The following AFAP1 variants were observed in gnomAD, a reference collection of about 807,000 sequenced individuals.
The protein encoded by AFAP1 is actin filament associated protein 1, also known as actin filament-associated protein 1.
In AFAP1, 75 loss-of-function variants were observed where a neutral mutation model predicts 93.9. The observed-to-expected ratio is 0.80, with a 90% CI of 0.66 to 0.97. The LOEUF is 0.97. Ranked by LOEUF, AFAP1 falls within the 50% of genes least tolerant of loss-of-function variation. AFAP1 has a pLI of 0.00. For synonymous variants in AFAP1, 517 were observed against 430.7 expected, an observed-to-expected ratio of 1.20 and a Z score of -2.48; for missense variants, 1,201 against 1,050.8, an observed-to-expected ratio of 1.14 and a Z score of -1.98.
At chr4:7,831,264 G>T (rs980078148) in intron 6 of AFAP1, among the ~76,000 whole-genome samples, 2 of 151,834 alleles carry the variant, frequency 1.3e-5, no homozygotes, top group African/African-American at 4.8e-5. Flanking sequence ...TTAGATTCCT[G>T]TACCATTATA....
rs988590591 is a variant in AFAP1, at chr4:7,793,819, G to A, written c.1274C>T (p.Ser425Phe). The A allele has an allele frequency of 6.5e-7, 1 of 1,535,284 alleles. No individual in the cohort carries two copies. Among genetic ancestry groups the A allele is most frequent in the Non-Finnish European group, 8.9e-7 (1 of 1,125,290 alleles). Residue 425 changes from serine (S) to phenylalanine (F), a missense_variant, in exon 11 of 18, where the codon TCT becomes TTT. By Grantham distance (155) the Ser-to-Phe change is radical. Coordinates refer to ENST00000420658, the MANE Select transcript of AFAP1 (RefSeq NM_001134647.2). The part of the protein sequence containing the change: ...GQEVAVLEAS[S>F]SEDMGRWIGI... The stretch of plus-strand genomic sequence containing the variant: ...AATCCACCTGCCCATGTCTTCAGAA[G>A]AAGATGCCTGTTGAAGTGGGAAAAA...
At chr4:7,820,815 T>C (rs180772489) in intron 6 of AFAP1, among the ~76,000 whole-genome samples, 1 of 152,258 alleles carries the variant, frequency 6.6e-6, no homozygotes, top group East Asian at 1.9e-4. Flanking sequence ...GTCCACTTTC[T>C]CAGTAAGACT....
At chr4:7,875,995 A>G (rs1717481973) in intron 1 of AFAP1, among the ~76,000 whole-genome samples, 1 of 152,170 alleles carries the variant, frequency 6.6e-6, no homozygotes. Flanking sequence ...AATGTTCTGG[A>G]AATGGATGGT....
intron 16 of AFAP1, among the ~76,000 whole-genome samples, 182 bp from the exon 17 acceptor site, chr4:7,769,190 G>A (rs953441130): frequency 4.6e-5 from 7 of 152,196 alleles, no homozygotes; most frequent in African/African-American, 1.4e-4. Context: ...TGGCATTCAC[G>A]GCCGGGGGGC....
rs139654720 is a variant in AFAP1, at chr4:7,767,166, G to A, written c.2418+1678C>T. On this transcript the variant is annotated intron_variant, in intron 17 of 17. Coordinates refer to ENST00000420658, the MANE Select transcript of AFAP1 (RefSeq NM_001134647.2). ...TCTGCACAAGATTCTCAGCTGGAGG[G>A]ACGAGAGCAGCTTCCGCTGTTTTCT... is the stretch of plus-strand genomic sequence containing the variant. Among the ~76,000 whole-genome samples, 240 of 152,294 alleles carry A rather than the reference G, an allele frequency of 1.6e-3. 1 individual carries two copies. The highest frequency in any genetic ancestry group is 5.6e-3 in the African/African-American group (232 of 41,570).
chr4:7,934,298 GCACT>G (rs1467225774), intron 1 of AFAP1, among the ~76,000 whole-genome samples: 1 of 152,164 alleles, frequency 6.6e-6, no homozygotes, highest in African/African-American at 2.4e-5. Context: ...GCCCAACCCA[GCACT>G]CACTCTGCTG....
chr4:7,820,283 C>T (rs1720851481), intron 6 of AFAP1, among the ~76,000 whole-genome samples: 1 of 152,158 alleles, frequency 6.6e-6, no homozygotes. Context: ...GAAGACTGGA[C>T]AGAGAAATGG....
At position 7,792,464 on chromosome 4, in the gene AFAP1, C is replaced by T. The variant is rs537906451; in HGVS notation, c.1412+1217G>A. 2.6e-5 allele frequency among the ~76,000 whole-genome samples: 4 copies of T among 152,248 alleles called. No homozygotes were observed. In the East Asian group the frequency reaches 7.7e-4, roughly 29 times the overall value. On this transcript the variant is annotated intron_variant, in intron 11 of 17. Transcript: ENST00000420658. ...CCAGAATTCTAATTTCTAAGGAAAG[C>T]TTAAATGTATCATAAGCAACAAATA...
chr4:7,902,307 C>T (rs541265644), intron 1 of AFAP1, among the ~76,000 whole-genome samples: 1 of 152,302 alleles, frequency 6.6e-6, no homozygotes, highest in African/African-American at 2.4e-5. Flanking sequence ...CCATCTGCTT[C>T]TCCTGCCATG....
chr4:7,868,857 C>G (rs2149176486), intron 2 of AFAP1, 138 bp from the exon 3 acceptor site: 1 of 717,288 alleles, frequency 1.4e-6, no homozygotes, highest in South Asian at 1.8e-5. Context: ...AACAGTCCTG[C>G]AAGGTTAGGT....
chr4:7,792,261 G>T (rs779782936), intron 11 of AFAP1, among the ~76,000 whole-genome samples: 8 of 152,084 alleles, frequency 5.3e-5, no homozygotes, highest in Non-Finnish European at 7.3e-5. Context: ...AAATCCAGTC[G>T]TTTATCTTGC....
At chr4:7,824,158 A>G (rs1365149011) in intron 6 of AFAP1, among the ~76,000 whole-genome samples, 2 of 152,230 alleles carry the variant, frequency 1.3e-5, no homozygotes, top group African/African-American at 4.8e-5. Context: ...GCTTCTATTA[A>G]TACATTTCTA....
chr4:7,863,776 T>C (rs958394305), intron 3 of AFAP1, among the ~76,000 whole-genome samples: 4 of 152,222 alleles, frequency 2.6e-5, no homozygotes, highest in African/African-American at 4.8e-5. Flanking sequence ...ACAACCTTAT[T>C]TGTTAAAGAG....
At chr4:7,908,030 G>A (rs1208453051) in intron 1 of AFAP1, among the ~76,000 whole-genome samples, 4 of 152,018 alleles carry the variant, frequency 2.6e-5, no homozygotes, top group Non-Finnish European at 5.9e-5. Context: ...CGGCCAATGC[G>A]GTGAAACCCC....
At chr4:7,851,858 G>C (rs1192576061) in intron 4 of AFAP1, among the ~76,000 whole-genome samples, 6 of 152,152 alleles carry the variant, frequency 3.9e-5, no homozygotes, top group African/African-American at 1.4e-4. Context: ...CCATCATGAA[G>C]AGATCATTAA....
intron 15 of AFAP1, 51 bp downstream of exon 15, chr4:7,774,688 C>T (rs1715906176): frequency 2.2e-5 from 35 of 1,581,190 alleles, no homozygotes; most frequent in Non-Finnish European, 2.9e-5. Flanking sequence ...ATGAAATCTC[C>T]AGTCTCTAAT....
At chr4:7,841,173 G>C (rs536292352) in intron 5 of AFAP1, among the ~76,000 whole-genome samples, 1 of 152,244 alleles carries the variant, frequency 6.6e-6, no homozygotes, top group African/African-American at 2.4e-5. Context: ...AACACCAGGA[G>C]CAAGGAGAGG....
chr4:7,794,961 G>A (rs979903910), intron 10 of AFAP1, among the ~76,000 whole-genome samples: 3 of 150,012 alleles, frequency 2.0e-5, no homozygotes, highest in African/African-American at 7.3e-5. Flanking sequence ...AAATCTATGA[G>A]TTAACTGAAT....
chr4:7,775,478 C>T (rs113990353), intron 14 of AFAP1: 1 of 152,684 alleles, frequency 6.5e-6, no homozygotes, highest in Non-Finnish European at 1.5e-5. Flanking sequence ...TTGCTTCCTT[C>T]TCTACGTCTT....
Sources: gnomAD v4.1 joint callset for allele counts (sites outside exome capture counted in the v4.1 genomes callset) on GRCh38, gnomAD v4.1.1 for gene constraint, MANE v1.5 for transcripts, NCBI Gene and HGNC (gene_info 2026-07-23, HGNC 2026-07-21) for gene names.